The following PCDHGB6 variants were observed in gnomAD, a reference collection of about 807,000 sequenced individuals.
The protein encoded by PCDHGB6 is protocadherin gamma-B6.
PCDHGB6 carries 51 observed loss-of-function variants against 59.1 expected under a neutral mutation model. The ratio of observed to expected loss-of-function variants is 0.86; its 90% confidence interval spans 0.69 to 1.09. The LOEUF is 1.09. Among genes scored for constraint, PCDHGB6 ranks in the 50% least tolerant of loss-of-function variants. The pLI, the probability that PCDHGB6 is intolerant of heterozygous loss-of-function variation, is 0.00. For synonymous variants in PCDHGB6, 466 were observed against 495.1 expected (o/e 0.94, Z 0.78); for missense variants, 1,148 against 1,205.1 (o/e 0.95, Z 0.70).
chr5:141,409,973 G>A lies in PCDHGB6; in HGVS notation c.1771G>A (p.Val591Met). 1 of 1,613,380 alleles carries A rather than the reference G, an allele frequency of 6.2e-7. No individual in the cohort carries two copies. The highest frequency in any genetic ancestry group is 8.5e-7 in the Non-Finnish European group (1 of 1,179,838). Residue 591 changes from valine (V) to methionine (M), a missense_variant, in exon 1 of 4, where the codon GTG (valine) becomes ATG (methionine). Val to Met is a conservative substitution (Grantham distance 21). Around this residue, in one of 5 missense-constraint regions of PCDHGB6, gnomAD observed 549 missense variants for 527.5 expected, o/e 1.04. Coordinates refer to ENST00000520790, the MANE Select transcript of PCDHGB6 (RefSeq NM_018926.3). ...SAEPGYLVTK[V>M]VAVDADSGHN... ...AGAGCCCGGCTACCTAGTGACTAAGGTGGTAGCGGTGGACGCCGACTCGGG... is the reference window on the plus strand; with the variant it reads ...AGAGCCCGGCTACCTAGTGACTAAGATGGTAGCGGTGGACGCCGACTCGGG...
At chr5:141,508,151 C>T (rs1306467936) in intron 3 of PCDHGB6, 1 of 152,548 alleles carries the variant, frequency 6.6e-6, no homozygotes, top group Admixed American at 6.5e-5. Flanking sequence ...GGCTGAGTTT[C>T]CCTGAGTAGA....
In PCDHGB6 at chr5:141,432,296, G is replaced by A. The variant is rs895669878; in HGVS notation, c.2418+21676G>A. The A allele has an allele frequency of 2.5e-6, 4 of 1,614,106 alleles. No homozygotes were observed. The highest frequency in any genetic ancestry group is 1.1e-5 in the South Asian group (1 of 91,082). The stretch of plus-strand genomic sequence containing the variant: ...CGTGTCCATCAACTCCGACACTGGG[G>A]TACTGTATGCGCTGAGCTCCTTCGA... On this transcript the variant is annotated intron_variant, in intron 1 of 3. Transcript: ENST00000520790. The surrounding 1 kb of genome is among the most constrained non-coding windows in gnomAD (Gnocchi z 6.0).
rs771313271 is a variant in PCDHGB6 at position 141,477,861 on chromosome 5, G to C, written c.2419-16946G>C. 1.2e-6 allele frequency: 2 copies of C among 1,612,714 alleles called. No individual in the cohort carries two copies. Among genetic ancestry groups the C allele is most frequent in the South Asian group, 1.1e-5 (1 of 90,968 alleles). On this transcript the variant is annotated intron_variant, in intron 1 of 3. Transcript: ENST00000520790. The surrounding 1 kb of genome is among the most constrained non-coding windows in gnomAD (Gnocchi z 4.9). ...GGGAGCTCGGTGGAGATGCTGCCTC[G>C]AGGTACCTCAGCTGGCCACCTAGTG...
chr5:141,418,572 AC>A lies in PCDHGB6; in HGVS notation c.2418+7958del, dbSNP rs752316020. 8.1e-6 allele frequency: 13 copies of A among 1,613,794 alleles called. 1 individual carries two copies. The Admixed American group carries it at 1.8e-4, about 23-fold the overall frequency. ...ATCCTGGTAATAGATGCCAATGACA[AC>A]CCCCCAGTGTTCAGCCAGGACGTGT... On this transcript the variant is annotated intron_variant, in intron 1 of 3. Transcript: ENST00000520790.
intron 1 of PCDHGB6, among the ~76,000 whole-genome samples, chr5:141,443,034 A>T (rs368996869): frequency 2.0e-5 from 3 of 152,172 alleles, no homozygotes; most frequent in East Asian, 3.8e-4. Context: ...CCAGACCTAA[A>T]CTTTGAAAAT....
intron 1 of PCDHGB6, chr5:141,416,286 T>C (rs1415036175): frequency 2.0e-5 from 3 of 152,304 alleles, no homozygotes; most frequent in Non-Finnish European, 4.4e-5. Context: ...AATTCTCTAA[T>C]TTCACACTGC....
At chr5:141,427,972 C>T (rs1368719718) in intron 1 of PCDHGB6, 1 of 1,593,948 alleles carries the variant, frequency 6.3e-7, no homozygotes, top group South Asian at 1.1e-5. Flanking sequence ...GTGCTGTACC[C>T]CGCGCTGGGG....
At chr5:141,438,591 C>CATACATAT (rs1228520343) in intron 1 of PCDHGB6, among the ~76,000 whole-genome samples, 2 of 75,562 alleles carry the variant, frequency 2.6e-5, no homozygotes, top group African/African-American at 4.5e-5. Context: ...TACATACATA[C>CATACATAT]ATATATATAT....
chr5:141,472,254 T>C (rs1031738513), intron 1 of PCDHGB6, among the ~76,000 whole-genome samples: 1 of 152,074 alleles, frequency 6.6e-6, no homozygotes, highest in Admixed American at 6.6e-5. Context: ...TTTAAAGTTA[T>C]ATTATAGCCG....
chr5:141,501,013 C>A (rs1456343329), intron 2 of PCDHGB6, among the ~76,000 whole-genome samples: 6 of 151,970 alleles, frequency 3.9e-5, no homozygotes, highest in Non-Finnish European at 8.8e-5. Flanking sequence ...GGACTACAGG[C>A]ACGCGCCACC....
At chr5:141,424,198 C>A (rs116187844) in intron 1 of PCDHGB6, 2 of 181,904 alleles carry the variant, frequency 1.1e-5, no homozygotes, top group South Asian at 1.9e-4. Context: ...CACTTATACA[C>A]GTAAGCTTTT....
At chr5:141,415,083 G>T (rs747351388) in intron 1 of PCDHGB6, 1 of 1,613,514 alleles carries the variant, frequency 6.2e-7, no homozygotes. Context: ...CGCGAGCCCT[G>T]CTGGACAGAG....
chr5:141,477,221 A>G lies in PCDHGB6; in HGVS notation c.2419-17586A>G, dbSNP rs771608717. 1 of 1,614,178 alleles carries G rather than the reference A, an allele frequency of 6.2e-7. No homozygotes were observed. The highest frequency in any genetic ancestry group is 8.5e-7 in the Non-Finnish European group (1 of 1,180,044). ...AGTACCCGAGGATGCCCCTCTGGGG[A>G]CTGTCATCGCTTTGCTCAGTGTGAC... On this transcript the variant is annotated intron_variant, in intron 1 of 3. Coordinates refer to ENST00000520790, the MANE Select transcript of PCDHGB6 (RefSeq NM_018926.3). This position sits in a 1 kb window ranked among gnomAD's most constrained non-coding sequence, Gnocchi z 4.9.
intron 1 of PCDHGB6, chr5:141,441,971 G>T: frequency 3.3e-6 from 1 of 298,820 alleles, no homozygotes; most frequent in Non-Finnish European, 6.5e-6. Context: ...AGGCTCTTCA[G>T]CCTGGAATGC....
chr5:141,419,741 A>C (rs769795920), intron 1 of PCDHGB6: 2 of 1,613,856 alleles, frequency 1.2e-6, no homozygotes, highest in Admixed American at 1.7e-5. Context: ...CGAGGTGCGC[A>C]TGGTGCGTGC....
chr5:141,418,433 C>A (rs761824602), intron 1 of PCDHGB6: 6 of 1,613,820 alleles, frequency 3.7e-6, no homozygotes, highest in South Asian at 3.3e-5. Flanking sequence ...TGGCAAATAT[C>A]CAGAATTAGT....
At chr5:141,499,244 CAA>C (rs1191956146) in intron 2 of PCDHGB6, among the ~76,000 whole-genome samples, 1 of 152,090 alleles carries the variant, frequency 6.6e-6, no homozygotes, top group Non-Finnish European at 1.5e-5. Flanking sequence ...AGCCTCTGCA[CAA>C]AGAGTCTCCA....
Position 141,485,987 on chromosome 5 carries a change from G to T in PCDHGB6, c.2419-8820G>T. 1 of 1,614,170 alleles carries T rather than the reference G, an allele frequency of 6.2e-7. No homozygotes were observed. On this transcript the variant is annotated intron_variant, in intron 1 of 3. Transcript: ENST00000520790. The surrounding 1 kb of genome is among the most constrained non-coding windows in gnomAD (Gnocchi z 5.7). ...GCTCAATGCCTCAGACCCGGACCTG[G>T]GTCCCAGTGGTAACGTCACCTTTTA...
chr5:141,453,317 G>A (rs1218359210), intron 1 of PCDHGB6, among the ~76,000 whole-genome samples: 1 of 151,178 alleles, frequency 6.6e-6, no homozygotes, highest in Non-Finnish European at 1.5e-5. Flanking sequence ...ATTTATTTTA[G>A]AGATGGGGTC....
Sources: gnomAD v4.1 joint callset for allele counts (sites outside exome capture counted in the v4.1 genomes callset) on GRCh38, gnomAD v4.1.1 for gene constraint, gnomAD v4.1.1 regional missense constraint, Gnocchi (gnomAD v3.1) non-coding constraint, MANE v1.5 for transcripts, NCBI Gene and HGNC (gene_info 2026-07-23, HGNC 2026-07-21) for gene names.